MAST2: variants seen among roughly 807,000 people sequenced by gnomAD.
The protein encoded by MAST2 is microtubule associated serine/threonine kinase 2.
A neutral mutation model predicts 147.4 loss-of-function variants in MAST2; 70 were observed. The ratio of observed to expected loss-of-function variants is 0.47; its 90% CI spans 0.39 to 0.58. The LOEUF (loss-of-function observed/expected upper bound fraction) is 0.58. MAST2 is among the 20% of genes least tolerant of loss of function. The pLI is 0.00. For missense variants in MAST2, 2,080 were observed against 2,302.3 expected (o/e 0.90, Z 1.98); for synonymous variants, 869 against 896.8 (o/e 0.97, Z 0.55).
intron 18 of MAST2, 100 bp from the exon 19 acceptor site, chr1:46,029,366 C>G: frequency 2.2e-6 from 2 of 929,884 alleles, no homozygotes; most frequent in Non-Finnish European, 3.3e-6. Flanking sequence ...CAGGCTGGGT[C>G]CTTTTTGCCT....
At chr1:45,991,881 T>C (rs1165955403) in intron 5 of MAST2, among the ~76,000 whole-genome samples, 1 of 152,188 alleles carries the variant, frequency 6.6e-6, no homozygotes, top group African/African-American at 2.4e-5. Flanking sequence ...TTTTTGGTTT[T>C]GTTTTGCTTT....
chr1:45,908,880 C>A (rs1651207309), intron 4 of MAST2, among the ~76,000 whole-genome samples: 2 of 152,104 alleles, frequency 1.3e-5, no homozygotes, highest in Non-Finnish European at 2.9e-5. Flanking sequence ...TCCCTTCTTT[C>A]TGGGTTTTCT....
chr1:45,959,182 A>G (rs1420257928), intron 4 of MAST2, among the ~76,000 whole-genome samples: 1 of 152,192 alleles, frequency 6.6e-6, no homozygotes, highest in Non-Finnish European at 1.5e-5. Flanking sequence ...AAGTCAAGGC[A>G]GTGAAAAAAG....
chr1:45,936,145 G>A (rs1347405835), intron 4 of MAST2, among the ~76,000 whole-genome samples: 4 of 152,008 alleles, frequency 2.6e-5, no homozygotes, highest in African/African-American at 7.2e-5. Flanking sequence ...TATTTTATTC[G>A]TTATGTGGTT....
rs1399829779 is a variant in MAST2, at chr1:46,031,215, G to A, written c.2917G>A (p.Val973Ile). 6.4e-7 allele frequency: 1 copy of A among 1,554,112 alleles called. No individual in the cohort carries two copies. Among genetic ancestry groups the A allele is most frequent in the African/African-American group, 1.4e-5 (1 of 73,278 alleles). The change falls in exon 23 of 29, where the codon GTC becomes ATC. Residue 973 changes from valine to isoleucine, a missense_variant. By Grantham distance (29) the Val-to-Ile change is conservative (BLOSUM62 3). Coordinates refer to ENST00000361297, the MANE Select transcript of MAST2 (RefSeq NM_015112.3). This position sits in a 1 kb window ranked among gnomAD's most constrained non-coding sequence, Gnocchi z 4.1. ...ATCTGGAGAGGGGGTATCTGGGCCT[G>A]TCACTGAACACTCAGGGGAGCAGCG... is the stretch of plus-strand genomic sequence containing the variant. ...PPSGEGVSGP[V>I]TEHSGEQRPK...
rs559846104 is a variant in MAST2 at position 45,847,836 on chromosome 1, C to A, written c.468+18255C>A. Among the ~76,000 whole-genome samples the A allele has an allele frequency of 6.6e-5, 10 of 152,266 alleles. No homozygotes were observed. In the East Asian group the frequency reaches 1.7e-3, roughly 26 times the overall value. ...CCCAAAGGGTGTGAGCCACTATGCC[C>A]GGCCAGTACTAGTCTTTTAATTAGG... On this transcript the variant is annotated intron_variant, in intron 3 of 28. Transcript: ENST00000361297.
intron 26 of MAST2, 148 bp downstream of exon 26, chr1:46,032,866 A>C: frequency 1.3e-4 from 131 of 1,031,152 alleles, no homozygotes; most frequent in Non-Finnish European, 1.7e-4. Context: ...GCGGTGGCTC[A>C]TGCCTGTAAA....
rs1310660421 is a variant in MAST2, at chr1:46,030,870, G to GA, written c.2708+109_2708+110insA. Reference sequence around the variant, plus strand: ...GAGGAGTGCAGGTGGCAGGGAGGGGGCATTCACAAGGGTGGCTCCTGGAGG... The same window carrying GA: ...GAGGAGTGCAGGTGGCAGGGAGGGGGACATTCACAAGGGTGGCTCCTGGAGG... On this transcript the variant is annotated intron_variant, in intron 22 of 28. Coordinates refer to ENST00000361297, the MANE Select transcript of MAST2 (RefSeq NM_015112.3). 2.7e-6 allele frequency: 4 copies of GA among 1,463,250 alleles called. No homozygotes were observed. The African/African-American group carries it at 5.7e-5, about 21-fold the overall frequency. The allele number at this position is 1,463,250 out of a possible 1,614,324, so 90.6% of individuals were successfully genotyped here.
At chr1:45,869,599 A>T (rs1646297016) in intron 3 of MAST2, among the ~76,000 whole-genome samples, 1 of 152,240 alleles carries the variant, frequency 6.6e-6, no homozygotes, top group Non-Finnish European at 1.5e-5. Context: ...CATCTATTCT[A>T]AGGCTCACAT....
At chr1:45,857,850 GTTTTTTTTTT>G (rs35371770) in intron 3 of MAST2, among the ~76,000 whole-genome samples, 1 of 66,572 alleles carries the variant, frequency 1.5e-5, no homozygotes, top group African/African-American at 5.9e-5. Context: ...AACATGCGGT[GTTTTTTTTTT>G]TTTTTTTTTT....
At chr1:45,917,006 A>G (rs1652641969) in intron 4 of MAST2, among the ~76,000 whole-genome samples, 1 of 152,244 alleles carries the variant, frequency 6.6e-6, no homozygotes, top group Admixed American at 6.5e-5. Flanking sequence ...TGAACCCAGG[A>G]GGCAGAGGTT....
chr1:45,942,743 G>T (rs979070540), intron 4 of MAST2, among the ~76,000 whole-genome samples: 1 of 152,188 alleles, frequency 6.6e-6, no homozygotes, highest in African/African-American at 2.4e-5. Context: ...AGTCACTGCT[G>T]TCTCTAGTGA....
intron 10 of MAST2, among the ~76,000 whole-genome samples, chr1:46,012,713 G>T (rs1251728939): frequency 2.0e-5 from 3 of 151,986 alleles, no homozygotes; most frequent in African/African-American, 7.2e-5. Context: ...ACAACCTTTT[G>T]CTTGGGCACA....
intron 3 of MAST2, among the ~76,000 whole-genome samples, chr1:45,834,618 T>C (rs1224604873): frequency 6.6e-6 from 1 of 152,178 alleles, no homozygotes; most frequent in Admixed American, 6.5e-5. Flanking sequence ...ATTTGTATTC[T>C]TAAAATATAT....
chr1:45,843,742 C>A (rs536213235), intron 3 of MAST2, among the ~76,000 whole-genome samples: 6 of 152,300 alleles, frequency 3.9e-5, no homozygotes, highest in African/African-American at 1.4e-4. Context: ...GTCCTTTTCA[C>A]TCTTAGTTTT....
chr1:45,913,867 G>A (rs1378091373), intron 4 of MAST2: 4 of 1,247,484 alleles, frequency 3.2e-6, no homozygotes, highest in Non-Finnish European at 4.1e-6. Context: ...GGAGCACCAT[G>A]TCTGCGGATT....
chr1:45,848,869 C>A (rs1265802279), intron 3 of MAST2, among the ~76,000 whole-genome samples: 1 of 152,108 alleles, frequency 6.6e-6, no homozygotes, highest in Non-Finnish European at 1.5e-5. Context: ...AACTGATAAA[C>A]AAATTCAGCA....
chr1:45,959,731 C>T (rs1176068464), intron 5 of MAST2, among the ~76,000 whole-genome samples: 7 of 152,054 alleles, frequency 4.6e-5, no homozygotes, highest in Non-Finnish European at 7.4e-5. Flanking sequence ...GGTATGTGTC[C>T]TGGGTTTATG....
chr1:45,844,927 G>A (rs1645384829), intron 3 of MAST2, among the ~76,000 whole-genome samples: 1 of 152,114 alleles, frequency 6.6e-6, no homozygotes, highest in African/African-American at 2.4e-5. Flanking sequence ...GGCTTTCTTG[G>A]TGTTTCCTCA....
Sources: gnomAD v4.1 joint callset for allele counts (sites outside exome capture counted in the v4.1 genomes callset) on GRCh38, gnomAD v4.1.1 for gene constraint, Gnocchi (gnomAD v3.1) non-coding constraint, MANE v1.5 for transcripts, NCBI Gene and HGNC (gene_info 2026-07-23, HGNC 2026-07-21) for gene names.